Variants in ARID1A observed in about 807,000 individuals in gnomAD.
ARID1A encodes the protein AT-rich interactive domain-containing protein 1A.
A neutral mutation model predicts 212.6 loss-of-function variants in ARID1A; 20 were observed. The ratio of observed to expected loss-of-function variants is 0.09; its 90% CI spans 0.07 to 0.14. The LOEUF (loss-of-function observed/expected upper bound fraction) is 0.14. Ranked by LOEUF, ARID1A falls within the 10% of genes least tolerant of loss-of-function variation. The pLI is 1.00. For missense variants in ARID1A, 2,587 were observed against 3,059.0 expected, an observed-to-expected ratio of 0.85 and a Z score of 3.64; for synonymous variants, 1,376 against 1,222.1, an observed-to-expected ratio of 1.13 and a Z score of -2.63.
At chr1:26,724,045 A>AG (rs552579457) in intron 1 of ARID1A, among the ~76,000 whole-genome samples, 130 of 152,248 alleles carry the variant, frequency 8.5e-4, no homozygotes, top group South Asian at 2.1e-3. Context: ...GGAATCAATT[A>AG]GGGGGGTTCT....
chr1:26,706,120 C>T (rs952087778), intron 1 of ARID1A, among the ~76,000 whole-genome samples: 1 of 152,194 alleles, frequency 6.6e-6, no homozygotes, highest in Non-Finnish European at 1.5e-5. Context: ...GCTTGAATTG[C>T]TACCCATATG....
intron 1 of ARID1A, among the ~76,000 whole-genome samples, chr1:26,700,993 C>A (rs961184384): frequency 3.0e-4 from 45 of 152,272 alleles, no homozygotes; most frequent in African/African-American, 1.0e-3. Flanking sequence ...TTTTAGGTTC[C>A]TTTCTTTGTG....
intron 1 of ARID1A, among the ~76,000 whole-genome samples, chr1:26,704,541 A>G (rs72651559): frequency 0.16 from 24,645 of 152,136 alleles, 2,633 homozygotes; most frequent in South Asian, 0.26. Context: ...CAGTCTGCCC[A>G]TTTATTCATA....
intron 1 of ARID1A, among the ~76,000 whole-genome samples, chr1:26,714,303 C>G (rs1177518683): frequency 5.3e-5 from 8 of 152,112 alleles, no homozygotes; most frequent in Non-Finnish European, 1.0e-4. Flanking sequence ...ACTTTTGGAA[C>G]TTTGAGAAGA....
At chr1:26,745,145 G>T (rs970909730) in intron 4 of ARID1A, among the ~76,000 whole-genome samples, 1 of 152,200 alleles carries the variant, frequency 6.6e-6, no homozygotes, top group African/African-American at 2.4e-5. Flanking sequence ...GAGGGAGCTT[G>T]CTCTAGGCTT....
chr1:26,766,137 C>T (rs1005554216), intron 8 of ARID1A, 84 bp from the exon 9 acceptor site: 5 of 1,461,564 alleles, frequency 3.4e-6, no homozygotes, highest in Admixed American at 4.4e-5. Flanking sequence ...ACTAGATGAT[C>T]ACACAGCACT....
intron 4 of ARID1A, 87 bp downstream of exon 4, chr1:26,732,879 A>G: frequency 8.7e-7 from 1 of 1,149,736 alleles, no homozygotes; most frequent in Non-Finnish European, 1.3e-6. Context: ...AAGTTTAGCT[A>G]ATTTTGACCT....
chr1:26,762,409 T>A, intron 7 of ARID1A, 90 bp downstream of exon 7: 1 of 1,430,264 alleles, frequency 7.0e-7, no homozygotes, highest in Non-Finnish European at 9.4e-7. Context: ...TGTAACCTTG[T>A]GAGAGAAGGG....
chr1:26,736,666 G>T (rs1194508255), intron 4 of ARID1A, among the ~76,000 whole-genome samples: 1 of 150,500 alleles, frequency 6.6e-6, no homozygotes, highest in African/African-American at 2.4e-5. Flanking sequence ...GGCTCAGGAG[G>T]CCGAGGCGGG....
chr1:26,766,148 A>T (rs74433682), intron 8 of ARID1A, 73 bp from the exon 9 acceptor site: 1 of 1,525,590 alleles, frequency 6.6e-7, no homozygotes, highest in Non-Finnish European at 8.9e-7. Flanking sequence ...ACACAGCACT[A>T]TTTGGCTCCA....
At position 26,774,158 on chromosome 1, in the gene ARID1A, A is replaced by G. The variant is rs1557615862; in HGVS notation, c.4102-171A>G. On this transcript the variant is annotated intron_variant, in intron 17 of 19. Transcript: ENST00000324856. The surrounding 1 kb of genome is among the most constrained non-coding windows in gnomAD (Gnocchi z 5.6). ...ACTTAAGCAAGGGAAGGGAAGAAAG[A>G]GTGGTGGTTGCTTTTGGAAACAACT... The G allele has an allele frequency of 7.7e-7, 1 of 1,295,376 alleles. No individual in the cohort carries two copies. The highest frequency in any genetic ancestry group is 1.0e-6 in the Non-Finnish European group (1 of 966,532). The allele number at this position is 1,295,376 out of a possible 1,614,324, so 80.2% of individuals were successfully genotyped here.
intron 4 of ARID1A, among the ~76,000 whole-genome samples, chr1:26,749,986 T>C (rs1250748755): frequency 6.6e-6 from 1 of 152,228 alleles, no homozygotes; most frequent in African/African-American, 2.4e-5. Flanking sequence ...AGATAATTCA[T>C]TGAGCAACAT....
Position 26,772,830 on chromosome 1 carries a change from G to T in ARID1A, c.3558G>T (p.Gly1186=). The change falls in exon 14 of 20, where the codon GGG becomes GGT. Residue 1186 remains glycine (G), a synonymous_variant. Transcript: ENST00000324856. ...LPGMSRSNSV[G]IQDAFNDGSD... Reference sequence around the variant, plus strand: ...TCTGGAGCAGGAGCAATTCAGTTGGGATCCAGGATGCCTTTAATGATGGAA... The same window carrying T: ...TCTGGAGCAGGAGCAATTCAGTTGGTATCCAGGATGCCTTTAATGATGGAA... The T allele has an allele frequency of 1.2e-6, 2 of 1,614,072 alleles. No individual in the cohort carries two copies. Among genetic ancestry groups the T allele is most frequent in the East Asian group, 4.5e-5 (2 of 44,888 alleles).
chr1:26,731,133 A>C lies in ARID1A; in HGVS notation c.1351-19A>C. The C allele has an allele frequency of 6.2e-7, 1 of 1,605,548 alleles. No individual in the cohort carries two copies. The highest frequency in any genetic ancestry group is 8.5e-7 in the Non-Finnish European group (1 of 1,172,442). ...ATGCAGGAGAGTCAGTGCTAAAAGTATATTTTCCTTTCCTACAGATTCCTC... is the reference window on the plus strand; with the variant it reads ...ATGCAGGAGAGTCAGTGCTAAAAGTCTATTTTCCTTTCCTACAGATTCCTC... On this transcript the variant is annotated intron_variant, in intron 2 of 19. Transcript: ENST00000324856.
At chr1:26,744,498 G>A (rs1339029916) in intron 4 of ARID1A, among the ~76,000 whole-genome samples, 3 of 152,140 alleles carry the variant, frequency 2.0e-5, no homozygotes, top group Admixed American at 6.5e-5. Context: ...TAAGCACACC[G>A]TTTGAATTTT....
intron 10 of ARID1A, among the ~76,000 whole-genome samples, chr1:26,767,360 T>G (rs2081048353): frequency 6.6e-6 from 1 of 152,216 alleles, no homozygotes; most frequent in Non-Finnish European, 1.5e-5. Context: ...TTTCGATTTC[T>G]CTAAAACATA....
Position 26,780,544 on chromosome 1 carries a change from C to T in ARID1A, c.6646C>T (p.Leu2216Phe), listed in dbSNP as rs2081181718. ...TQFQQSQASL[L>F]HMQNPPFEPT... ...GTTCCAGCAGAGCCAGGCCAGCCTC[C>T]TCCACATGCAGAACCCACCCTTTGA... Residue 2216 changes from leucine to phenylalanine, a missense_variant, in exon 20 of 20, where the codon CTC becomes TTC. By Grantham distance (22) the Leu-to-Phe change is conservative (BLOSUM62 0). Coordinates refer to ENST00000324856, the MANE Select transcript of ARID1A (RefSeq NM_006015.6). This position sits in a 1 kb window ranked among gnomAD's most constrained non-coding sequence, Gnocchi z 7.2. The T allele has an allele frequency of 6.2e-7, 1 of 1,614,190 alleles. No individual in the cohort carries two copies. Among genetic ancestry groups the T allele is most frequent in the East Asian group, 2.2e-5 (1 of 44,872 alleles).
chr1:26,723,259 G>A (rs1195703075), intron 1 of ARID1A, among the ~76,000 whole-genome samples: 1 of 152,186 alleles, frequency 6.6e-6, no homozygotes, highest in African/African-American at 2.4e-5. Context: ...GCCACGTGCA[G>A]CTGGCAGGAA....
At chr1:26,733,641 A>G (rs939924097) in intron 4 of ARID1A, among the ~76,000 whole-genome samples, 3 of 152,200 alleles carry the variant, frequency 2.0e-5, no homozygotes, top group African/African-American at 7.2e-5. Flanking sequence ...CAAGTTACTC[A>G]GCCTCTGAAA....
Sources: allele counts gnomAD v4.1 joint callset (sites outside exome capture counted in the v4.1 genomes callset), GRCh38; gene constraint gnomAD v4.1.1; non-coding constraint Gnocchi (gnomAD v3.1); transcripts MANE v1.5; gene names NCBI Gene and HGNC (gene_info 2026-07-23, HGNC 2026-07-21).